Variants in GABRA2 observed in about 807,000 individuals in gnomAD.
The protein encoded by GABRA2 is gamma-aminobutyric acid receptor subunit alpha-2.
GABRA2 carries 16 observed loss-of-function variants against 48.7 expected under a neutral mutation model. The ratio of observed to expected loss-of-function variants is 0.33; its 90% CI spans 0.22 to 0.50. The LOEUF (loss-of-function observed/expected upper bound fraction) is 0.50, where lower values mean the gene tolerates loss of function less well. Among genes scored for constraint, GABRA2 ranks in the 20% least tolerant of loss-of-function variants. The pLI is 0.98. For missense variants in GABRA2, 275 were observed against 535.6 expected (o/e 0.51, Z 4.80); for synonymous variants, 185 against 184.5 (o/e 1.00, Z -0.02).
At chr4:46,281,745 T>A (rs977600010) in intron 8 of GABRA2, among the ~76,000 whole-genome samples, 1 of 152,118 alleles carries the variant, frequency 6.6e-6, no homozygotes, top group Non-Finnish European at 1.5e-5. Flanking sequence ...AGCAAATTCC[T>A]TCAAGTAAAT....
At chr4:46,328,297 C>T (rs73812850) in intron 4 of GABRA2, among the ~76,000 whole-genome samples, 3,061 of 50,456 alleles carry the variant, frequency 0.061, 41 homozygotes, top group African/African-American at 0.072. Flanking sequence ...TGTGTGTGTG[C>T]GCACACGCAT....
intron 9 of GABRA2, among the ~76,000 whole-genome samples, chr4:46,259,225 C>T (rs16859255): frequency 0.014 from 2,166 of 151,762 alleles, 70 homozygotes; most frequent in African/African-American, 0.049. Context: ...GGAAAAACAC[C>T]GGATATGAAA....
At chr4:46,257,795 G>C (rs1471961652) in intron 9 of GABRA2, among the ~76,000 whole-genome samples, 2 of 151,564 alleles carry the variant, frequency 1.3e-5, no homozygotes, top group Non-Finnish European at 3.0e-5. Flanking sequence ...TAAAAAGTAT[G>C]AGAGATGGTG....
chr4:46,304,921 C>CT, intron 7 of GABRA2, among the ~76,000 whole-genome samples: 1 of 46,914 alleles, frequency 2.1e-5, no homozygotes, highest in Middle Eastern at 0.014. Flanking sequence ...AAGACTCTGT[C>CT]TCAAAAAAAA....
chr4:46,282,848 TGTGA>T (rs778617870), intron 8 of GABRA2, among the ~76,000 whole-genome samples: 1 of 152,218 alleles, frequency 6.6e-6, no homozygotes, highest in Non-Finnish European at 1.5e-5. Flanking sequence ...TATGAATAAA[TGTGA>T]GTGTGTACAC....
chr4:46,383,648 G>A (rs1717059213), intron 3 of GABRA2, among the ~76,000 whole-genome samples: 1 of 152,156 alleles, frequency 6.6e-6, no homozygotes, highest in South Asian at 2.1e-4. Flanking sequence ...CATAGTGCCA[G>A]TGACTGGTTA....
intron 3 of GABRA2, among the ~76,000 whole-genome samples, chr4:46,354,927 C>T (rs769257214): frequency 5.8e-4 from 88 of 150,462 alleles, no homozygotes; most frequent in Non-Finnish European, 9.1e-4. Context: ...CTGGCTCCAC[C>T]TGTGTCTCAG....
intron 3 of GABRA2, among the ~76,000 whole-genome samples, chr4:46,382,445 G>A (rs1233622153): frequency 6.6e-6 from 1 of 151,958 alleles, no homozygotes; most frequent in Middle Eastern, 3.2e-3. Context: ...TTAGCAAGAA[G>A]GAGAGTTGTG....
intron 9 of GABRA2, chr4:46,261,410 A>G (rs1278550680): frequency 6.3e-6 from 1 of 159,782 alleles, no homozygotes; most frequent in African/African-American, 2.4e-5. Flanking sequence ...AGAGGATTCA[A>G]TTCATTGATA....
At chr4:46,353,238 T>C (rs1240413753) in intron 3 of GABRA2, among the ~76,000 whole-genome samples, 1 of 152,054 alleles carries the variant, frequency 6.6e-6, no homozygotes, top group Admixed American at 6.6e-5. Context: ...GCTGACTCCA[T>C]CATCAAAATA....
chr4:46,286,060 T>C (rs1004783748), intron 8 of GABRA2, among the ~76,000 whole-genome samples: 2 of 152,060 alleles, frequency 1.3e-5, no homozygotes, highest in African/African-American at 4.8e-5. Context: ...TCAAAACTTG[T>C]TTTTATTATC....
intron 3 of GABRA2, among the ~76,000 whole-genome samples, chr4:46,337,388 AAC>A (rs1230943260): frequency 2.0e-5 from 3 of 152,092 alleles, no homozygotes; most frequent in African/African-American, 7.2e-5. Flanking sequence ...AAACATGGTT[AAC>A]ATGTATATAC....
At chr4:46,320,464 A>G (rs1404368802) in intron 4 of GABRA2, among the ~76,000 whole-genome samples, 1 of 151,964 alleles carries the variant, frequency 6.6e-6, no homozygotes, top group Non-Finnish European at 1.5e-5. Flanking sequence ...GCTTCTGTAC[A>G]GCAAAGGAAA....
At chr4:46,365,405 T>C (rs1318793763) in intron 3 of GABRA2, 1 of 152,108 alleles carries the variant, frequency 6.6e-6, no homozygotes, top group Non-Finnish European at 1.5e-5. Flanking sequence ...ACTATCAAAC[T>C]CCATGAACTC....
At chr4:46,349,365 T>C (rs1343368784) in intron 3 of GABRA2, among the ~76,000 whole-genome samples, 1 of 151,960 alleles carries the variant, frequency 6.6e-6, no homozygotes, top group Non-Finnish European at 1.5e-5. Flanking sequence ...TATAAGGCTA[T>C]AGAAATCCTA....
In GABRA2 at chr4:46,389,757, G is replaced by A; in HGVS notation, c.-33C>T. ...TACCTGAAACGGCAAGCAGAATTCG[G>A]TGTTTTCTTCCTTTTGCCCTGATCT... On this transcript the variant is annotated 5_prime_UTR_variant, in exon 1 of 10. Transcript: ENST00000381620. 1.0e-6 allele frequency: 1 copy of A among 975,040 alleles called. No individual in the cohort carries two copies. The highest frequency in any genetic ancestry group is 1.2e-6 in the Non-Finnish European group (1 of 828,330). The allele number at this position is 975,040 out of a possible 1,614,324, so 60.4% of individuals were successfully genotyped here. A position where few individuals can be genotyped will look rare whatever the true frequency, so the allele number is the denominator to read the frequency against.
intron 3 of GABRA2, among the ~76,000 whole-genome samples, chr4:46,379,960 C>G (rs1405177669): frequency 1.3e-5 from 2 of 152,256 alleles, no homozygotes; most frequent in African/African-American, 4.8e-5. Flanking sequence ...TGTTCTCTCT[C>G]TCTCGATGTC....
At chr4:46,259,136 C>T (rs1468076609) in intron 9 of GABRA2, among the ~76,000 whole-genome samples, 1 of 151,570 alleles carries the variant, frequency 6.6e-6, no homozygotes, top group Non-Finnish European at 1.5e-5. Flanking sequence ...ACTAATGGAA[C>T]AGGTTTGAGA....
intron 3 of GABRA2, chr4:46,366,276 T>C (rs1338039182): frequency 6.6e-6 from 1 of 152,084 alleles, no homozygotes; most frequent in Non-Finnish European, 1.5e-5. Context: ...TATTCAAGTC[T>C]GGATATACGT....
Sources: allele counts gnomAD v4.1 joint callset (sites outside exome capture counted in the v4.1 genomes callset), GRCh38; gene constraint gnomAD v4.1.1; transcripts MANE v1.5; gene names NCBI Gene and HGNC (gene_info 2026-07-23, HGNC 2026-07-21).